The following KIRREL2 variants were observed in gnomAD, a reference collection of about 807,000 sequenced individuals.
The protein encoded by KIRREL2 is kirre like nephrin family adhesion molecule 2, also known as kin of IRRE-like protein 2.
A neutral mutation model predicts 73.4 loss-of-function variants in KIRREL2; 56 were observed. The observed-to-expected ratio is 0.76, with a 90% CI of 0.62 to 0.95. The LOEUF (loss-of-function observed/expected upper bound fraction) is 0.95. KIRREL2 is among the 40% of genes least tolerant of loss of function. The pLI is 0.00. For missense variants in KIRREL2, 896 were observed against 935.0 expected, an observed-to-expected ratio of 0.96 and a Z score of 0.54; for synonymous variants, 407 against 404.0, an observed-to-expected ratio of 1.01 and a Z score of -0.09.
chr19:35,859,390 A>C (rs1973564468), intron 4 of KIRREL2, 91 bp from the exon 5 acceptor site: 2 of 1,184,832 alleles, frequency 1.7e-6, no homozygotes, highest in Non-Finnish European at 2.4e-6. Context: ...GTGGCCTAAG[A>C]CAATTCTTCT....
At position 35,864,697 on chromosome 19, in the gene KIRREL2, G is replaced by C. The variant is rs1466561010; in HGVS notation, c.1775G>C (p.Gly592Ala). ...DHSDLVLEEE[G>A]TLETKDPTNG... ...AGTGATCTGGTTCTGGAGGAGGAAG[G>C]GACTCTGGAGACCAAGGTGAGTGTT... is the stretch of plus-strand genomic sequence containing the variant. Residue 592 changes from glycine (G) to alanine (A), a missense_variant, in exon 14 of 15, where the codon GGG becomes GCG. Physicochemically the swap from Gly to Ala is moderately conservative, Grantham distance 60 (BLOSUM62 0). Coordinates refer to ENST00000360202, the MANE Select transcript of KIRREL2 (RefSeq NM_199180.4). 2.5e-6 allele frequency: 4 copies of C among 1,612,560 alleles called. No individual in the cohort carries two copies. Among genetic ancestry groups the C allele is most frequent in the Non-Finnish European group, 3.4e-6 (4 of 1,178,760 alleles).
Position 35,858,728 on chromosome 19 carries a change from TG to T in KIRREL2, c.389del (p.Gly130AlafsTer15). 6.2e-7 allele frequency: 1 copy of T among 1,614,164 alleles called. No homozygotes were observed. Among genetic ancestry groups the T allele is most frequent in the East Asian group, 2.2e-5 (1 of 44,878 alleles). ...VLVPPEAPQV[L>X]GGPSVSLVAG... The stretch of plus-strand genomic sequence containing the variant: ...GTCCCCCCAGAAGCCCCCCAGGTGC[TG>T]GGCGGCCCCTCTGTGTCTCTGGTTG... On this transcript the variant is annotated frameshift_variant, in exon 4 of 15. Transcript: ENST00000360202. LOFTEE classifies it high-confidence loss of function.
rs1364170851 is a variant in KIRREL2 at position 35,858,545 on chromosome 19, C to T, written c.349C>T (p.Leu117=). ...QAGLRSRPAQ[L]HVLVPPEAPQ... ...AGGCCTCCGCTCCAGACCAGCCCAA[C>T]TGCACGTGCTGGGTAAGGACCTCGC... Residue 117 remains leucine (L), a synonymous_variant, in exon 3 of 15, where the codon CTG becomes TTG. Coordinates refer to ENST00000360202, the MANE Select transcript of KIRREL2 (RefSeq NM_199180.4). 1 of 1,614,078 alleles carries T rather than the reference C, an allele frequency of 6.2e-7. No individual in the cohort carries two copies. The highest frequency in any genetic ancestry group is 1.3e-5 in the African/African-American group (1 of 74,942).
intron 13 of KIRREL2, among the ~76,000 whole-genome samples, chr19:35,863,923 G>A (rs1973831450): frequency 6.6e-6 from 1 of 151,912 alleles, no homozygotes; most frequent in Non-Finnish European, 1.5e-5. Flanking sequence ...ACAGGCACCC[G>A]CCACCATGTC....
chr19:35,865,655 T>C (rs1973935406), intron 14 of KIRREL2, among the ~76,000 whole-genome samples: 1 of 152,232 alleles, frequency 6.6e-6, no homozygotes, highest in East Asian at 1.9e-4. Flanking sequence ...CCACCCACTA[T>C]GCTGAGGGCT....
At chr19:35,863,596 G>A (rs888036494) in intron 13 of KIRREL2, among the ~76,000 whole-genome samples, 11 of 151,734 alleles carry the variant, frequency 7.2e-5, no homozygotes, top group African/African-American at 2.7e-4. Flanking sequence ...GCGATTACAG[G>A]CGCCCACCAC....
At chr19:35,852,931 G>T (rs79092619), upstream of KIRREL2, among the ~76,000 whole-genome samples, 3 of 151,974 alleles carry the variant, frequency 2.0e-5, no homozygotes, top group Non-Finnish European at 1.5e-5. Flanking sequence ...AGTAGCTGGT[G>T]CTACAGGTAT....
rs1568470161 is a variant in KIRREL2 at position 35,866,310 on chromosome 19, G to GT, written c.1946dup (p.Cys652LeufsTer49). The stretch of plus-strand genomic sequence containing the variant: ...TGACTTCAACCCACACCTGGGCATG[G>GT]TCCCCCCCTGCAGACTTTACAGAGC... On this transcript the variant is annotated frameshift_variant, in exon 15 of 15. Transcript: ENST00000360202. LOFTEE classifies it high-confidence loss of function. The GT allele has an allele frequency of 6.2e-7, 1 of 1,611,842 alleles. No homozygotes were observed. Among genetic ancestry groups the GT allele is most frequent in the Non-Finnish European group, 8.5e-7 (1 of 1,178,504 alleles).
At chr19:35,856,238 G>A (rs919212169), upstream of KIRREL2, among the ~76,000 whole-genome samples, 4 of 152,036 alleles carry the variant, frequency 2.6e-5, no homozygotes, top group African/African-American at 9.7e-5. This position sits in a 1 kb window ranked among gnomAD's most constrained non-coding sequence, Gnocchi z 5.9. Flanking sequence ...GCCCCGGCCC[G>A]GCACCGCCGC....
chr19:35,854,041 C>T (rs560626208), upstream of KIRREL2, among the ~76,000 whole-genome samples: 3 of 152,162 alleles, frequency 2.0e-5, no homozygotes, highest in East Asian at 5.8e-4. Flanking sequence ...GACGGGGTTT[C>T]GCCATGTTGG....
In KIRREL2 at chr19:35,862,025, G is replaced by A; in HGVS notation, c.1510+1G>A. On this transcript the variant is annotated splice_donor_variant, in intron 11 of 14. Transcript: ENST00000360202. LOFTEE classifies it high-confidence loss of function. ...GCCCAGGCCAGCCTGGGCCGTAGAGGTGAGACCCCAGCCCGAAGACCCCAA... is the reference window on the plus strand; with the variant it reads ...GCCCAGGCCAGCCTGGGCCGTAGAGATGAGACCCCAGCCCGAAGACCCCAA... The A allele has an allele frequency of 6.2e-7, 1 of 1,605,496 alleles. No individual in the cohort carries two copies. The highest frequency in any genetic ancestry group is 8.5e-7 in the Non-Finnish European group (1 of 1,176,440).
upstream of KIRREL2, among the ~76,000 whole-genome samples, chr19:35,852,777 T>C (rs73928333): frequency 0.088 from 13,306 of 151,896 alleles, 1,121 homozygotes; most frequent in African/African-American, 0.22. Flanking sequence ...TTGGCAAGTC[T>C]CTTTCTTTCT....
Position 35,863,100 on chromosome 19 carries a change from G to A in KIRREL2, c.1725+64G>A. 5 of 916,570 alleles carry A rather than the reference G, an allele frequency of 5.5e-6. No homozygotes were observed. In the South Asian group the frequency reaches 5.7e-5, roughly 11 times the overall value. The allele number at this position is 916,570 out of a possible 1,614,324, so 56.8% of individuals were successfully genotyped here. On this transcript the variant is annotated intron_variant, in intron 13 of 14. Transcript: ENST00000360202. ...GACCTAAATAATAGCCCAGTCCCAA[G>A]AGGGTCCCCAAATTCAAATAGGACT...
At chr19:35,853,837 ATTTTTTTTTT>A (rs759219505), upstream of KIRREL2, among the ~76,000 whole-genome samples, 8 of 69,438 alleles carry the variant, frequency 1.2e-4, no homozygotes, top group South Asian at 9.4e-4. Flanking sequence ...CACTCTGGCT[ATTTTTTTTTT>A]TTTTTTTTTT....
At position 35,866,371 on chromosome 19, in the gene KIRREL2, C is replaced by T. The variant is rs1472749541; in HGVS notation, c.2006C>T (p.Ala669Val). 6.2e-7 allele frequency: 1 copy of T among 1,613,602 alleles called. No individual in the cohort carries two copies. Among genetic ancestry groups the T allele is most frequent in the Non-Finnish European group, 8.5e-7 (1 of 1,179,614 alleles). Residue 669 changes from alanine to valine, a missense_variant, in exon 15 of 15, where the codon GCT (alanine) becomes GTT (valine). Ala to Val is a moderately conservative substitution (Grantham distance 64). Coordinates refer to ENST00000360202, the MANE Select transcript of KIRREL2 (RefSeq NM_199180.4). Reference protein sequence around the residue: ...AGYLTTPHPRAFTSYIKPTSF... With the variant: ...AGYLTTPHPRVFTSYIKPTSF... ...TATCTCACCACACCCCACCCTCGAG[C>T]TTTCACCAGCTACATCAAACCCACA...
At chr19:35,851,833 G>A (rs1973273450), upstream of KIRREL2, 1 of 1,551,354 alleles carries the variant, frequency 6.4e-7, no homozygotes, top group Non-Finnish European at 8.7e-7. Flanking sequence ...CGTCCCCAGG[G>A]CCATCACAGG....
Position 35,866,625 on chromosome 19 carries a change from T to C in KIRREL2, c.*133T>C. On this transcript the variant is annotated 3_prime_UTR_variant, in exon 15 of 15. Transcript: ENST00000360202. ...ACAAGGGGAGGGAAAGATCATTACA[T>C]TTGTCAGGAGCATTTGTATACAGTC... 7.4e-7 allele frequency: 1 copy of C among 1,353,854 alleles called. No individual in the cohort carries two copies. Among genetic ancestry groups the C allele is most frequent in the Middle Eastern group, 1.8e-4 (1 of 5,430 alleles). The allele number at this position is 1,353,854 out of a possible 1,614,324, so 83.9% of individuals were successfully genotyped here.
rs962314062 is a variant in KIRREL2 at position 35,860,299 on chromosome 19, C to A, written c.676C>A (p.Pro226Thr). 2.5e-6 allele frequency: 4 copies of A among 1,613,000 alleles called. No individual in the cohort carries two copies. The highest frequency in any genetic ancestry group is 8.5e-7 in the Non-Finnish European group (1 of 1,179,364). The stretch of plus-strand genomic sequence containing the variant: ...TGACCATTGTCCCACCCTCACAGAC[C>A]CCCCAGAGGTGACTCTGTCTGCTTC... ...DTAITLSLQYPPEVTLSASPH... is the reference protein window; with the variant it reads ...DTAITLSLQYTPEVTLSASPH... Residue 226 changes from proline to threonine, a missense_variant and splice_region_variant, in exon 6 of 15, where the codon CCC becomes ACC. Pro to Thr is a conservative substitution (Grantham distance 38). Transcript: ENST00000360202.
Position 35,860,672 on chromosome 19 carries a change from G to A in KIRREL2, c.928+5G>A. The A allele has an allele frequency of 1.9e-6, 3 of 1,602,190 alleles. No homozygotes were observed. The highest frequency in any genetic ancestry group is 2.5e-6 in the Non-Finnish European group (3 of 1,179,746). On this transcript the variant is annotated splice_donor_5th_base_variant and intron_variant, in intron 7 of 14. Transcript: ENST00000360202. The stretch of plus-strand genomic sequence containing the variant: ...GTACTGCGCTGGATGTGCTGTGTGA[G>A]CTGGGGCCGGCCTGTGGGTGTGGTC...
Sources: gnomAD v4.1 joint callset for allele counts (sites outside exome capture counted in the v4.1 genomes callset) on GRCh38, gnomAD v4.1.1 for gene constraint, Gnocchi (gnomAD v3.1) non-coding constraint, MANE v1.5 for transcripts, NCBI Gene and HGNC (gene_info 2026-07-23, HGNC 2026-07-21) for gene names.